FRMD5: variants seen among roughly 807,000 people sequenced by gnomAD.
The protein encoded by FRMD5 is FERM domain containing 5.
Under a neutral mutation model 69.0 loss-of-function variants are expected in FRMD5, and 20 were observed. The observed-to-expected ratio is 0.29, with a 90% CI of 0.20 to 0.42. FRMD5 has a LOEUF of 0.42. FRMD5 is among the 10% of genes least tolerant of loss of function. FRMD5 has a pLI of 1.00. For missense variants in FRMD5, 595 were observed against 708.6 expected (o/e 0.84, Z 1.82); for synonymous variants, 271 against 260.1 (o/e 1.04, Z -0.40).
chr15:44,090,894 C>A (rs2076463012), intron 1 of FRMD5, among the ~76,000 whole-genome samples: 1 of 152,108 alleles, frequency 6.6e-6, no homozygotes, highest in African/African-American at 2.4e-5. Context: ...CAACTAAATT[C>A]TTTCCATTAC....
intron 1 of FRMD5, among the ~76,000 whole-genome samples, chr15:44,173,515 A>AAATATACAT (rs2077840371): frequency 6.6e-6 from 1 of 151,368 alleles, no homozygotes; most frequent in Non-Finnish European, 1.5e-5. Flanking sequence ...AGGAAGAAAA[A>AAATATACAT]AATATACATA....
chr15:43,970,584 G>C (rs2090359857), intron 1 of FRMD5, among the ~76,000 whole-genome samples: 1 of 152,144 alleles, frequency 6.6e-6, no homozygotes, highest in Admixed American at 6.5e-5. Context: ...CTGAGGAGCT[G>C]GGATTACAGG....
intron 1 of FRMD5, among the ~76,000 whole-genome samples, chr15:44,027,022 G>T (rs2140271341): frequency 6.6e-6 from 1 of 152,308 alleles, no homozygotes; most frequent in African/African-American, 2.4e-5. Flanking sequence ...AATCTGTGGT[G>T]TTTGTTGGAA....
At chr15:44,197,039 C>G (rs545433066), upstream of FRMD5, among the ~76,000 whole-genome samples, 6 of 152,100 alleles carry the variant, frequency 3.9e-5, no homozygotes, top group African/African-American at 1.2e-4. Context: ...AAGTGTTGAA[C>G]TGAATACAAA....
At chr15:44,075,644 A>G (rs1893726071) in intron 1 of FRMD5, among the ~76,000 whole-genome samples, 1 of 152,148 alleles carries the variant, frequency 6.6e-6, no homozygotes. Flanking sequence ...TAGCCATGGA[A>G]GCATTCAGAG....
At chr15:44,129,279 C>A (rs2077066375) in intron 1 of FRMD5, among the ~76,000 whole-genome samples, 1 of 152,046 alleles carries the variant, frequency 6.6e-6, no homozygotes, top group South Asian at 2.1e-4. Flanking sequence ...AAAGCCAAAA[C>A]CCAACTTTTG....
In FRMD5 at chr15:44,062,196, A is replaced by G. The variant is rs187524892; in HGVS notation, c.102+132757T>C. ...GTGATGCCTTTTTACTTTGCAATAAACATTTTTGGCAGCAATAAACTTTAA... is the reference window on the plus strand; with the variant it reads ...GTGATGCCTTTTTACTTTGCAATAAGCATTTTTGGCAGCAATAAACTTTAA... On this transcript the variant is annotated intron_variant, in intron 1 of 13. Transcript: ENST00000417257. Among the ~76,000 whole-genome samples the G allele has an allele frequency of 1.9e-4, 29 of 152,314 alleles. No homozygotes were observed. The East Asian group carries it at 5.6e-3, about 29-fold the overall frequency.
chr15:44,039,676 G>A (rs543411982), intron 1 of FRMD5, among the ~76,000 whole-genome samples: 33 of 152,206 alleles, frequency 2.2e-4, no homozygotes, highest in African/African-American at 6.3e-4. Flanking sequence ...GAAGGGCACC[G>A]ACTTCAAAGA....
chr15:44,121,267 G>A (rs1200003173), intron 1 of FRMD5, among the ~76,000 whole-genome samples: 2 of 129,950 alleles, frequency 1.5e-5, no homozygotes, highest in Non-Finnish European at 3.5e-5. Context: ...TAGGACATCT[G>A]GGGCAGGGGG....
chr15:44,191,978 A>G (rs1470591724), intron 1 of FRMD5, among the ~76,000 whole-genome samples: 1 of 147,708 alleles, frequency 6.8e-6, no homozygotes, highest in East Asian at 2.0e-4. Context: ...TGAAAAACAG[A>G]TGAGTAGACC....
At chr15:44,014,459 G>A (rs1183190951) in intron 1 of FRMD5, among the ~76,000 whole-genome samples, 4 of 152,170 alleles carry the variant, frequency 2.6e-5, no homozygotes, top group Non-Finnish European at 4.4e-5. Flanking sequence ...TACCTCGGCT[G>A]GGTGTGGTAG....
At chr15:43,934,599 C>T (rs2089727815) in intron 1 of FRMD5, among the ~76,000 whole-genome samples, 1 of 152,210 alleles carries the variant, frequency 6.6e-6, no homozygotes, top group African/African-American at 2.4e-5. Context: ...GAAACTGCCT[C>T]TAGCAGGCCT....
chr15:44,182,207 C>A (rs762674214), intron 1 of FRMD5, among the ~76,000 whole-genome samples: 25 of 151,420 alleles, frequency 1.7e-4, no homozygotes, highest in Non-Finnish European at 4.4e-5. Context: ...GACAGGGTTT[C>A]ATCTTGTTGG....
intron 1 of FRMD5, among the ~76,000 whole-genome samples, chr15:43,984,605 A>G (rs1336196042): frequency 6.6e-6 from 1 of 152,252 alleles, no homozygotes; most frequent in Non-Finnish European, 1.5e-5. Flanking sequence ...TCACACAGAA[A>G]AAGAAAATCA....
intron 1 of FRMD5, among the ~76,000 whole-genome samples, chr15:44,028,547 G>C (rs920232178): frequency 2.0e-5 from 3 of 152,230 alleles, no homozygotes; most frequent in African/African-American, 7.2e-5. Context: ...GTCTGGTAGA[G>C]AAGTGTCTGA....
chr15:44,149,240 T>C (rs2077405855), intron 1 of FRMD5, among the ~76,000 whole-genome samples: 2 of 151,884 alleles, frequency 1.3e-5, no homozygotes, highest in Admixed American at 6.6e-5. Context: ...GTAATCCCTA[T>C]AGTAACCACA....
At chr15:43,890,920 C>T (rs1238876905) in intron 8 of FRMD5, among the ~76,000 whole-genome samples, 1 of 152,158 alleles carries the variant, frequency 6.6e-6, no homozygotes, top group African/African-American at 2.4e-5. Flanking sequence ...GAGGGCACAG[C>T]GGGATAGATG....
intron 1 of FRMD5, among the ~76,000 whole-genome samples, chr15:44,189,663 G>A (rs925306915): frequency 6.6e-6 from 1 of 151,910 alleles, no homozygotes; most frequent in African/African-American, 2.4e-5. Flanking sequence ...GCTAATTTTT[G>A]TATTTTTAGT....
intron 1 of FRMD5, among the ~76,000 whole-genome samples, chr15:43,991,677 C>T (rs191762611): frequency 2.0e-5 from 3 of 152,112 alleles, no homozygotes; most frequent in Non-Finnish European, 4.4e-5. Context: ...GTTCTTGCCA[C>T]AAAAAATCCA....
Sources: gnomAD v4.1 joint callset for allele counts (sites outside exome capture counted in the v4.1 genomes callset) on GRCh38, gnomAD v4.1.1 for gene constraint, MANE v1.5 for transcripts, NCBI Gene and HGNC (gene_info 2026-07-23, HGNC 2026-07-21) for gene names.